PTPN14: variants seen among roughly 807,000 people sequenced by gnomAD.
PTPN14 encodes the protein tyrosine-protein phosphatase non-receptor type 14.
PTPN14 carries 53 observed loss-of-function variants against 126.8 expected under a neutral mutation model. The ratio of observed to expected loss-of-function variants is 0.42; its 90% confidence interval spans 0.34 to 0.53. PTPN14 has a LOEUF of 0.53. Ranked by LOEUF, PTPN14 falls within the 20% of genes least tolerant of loss-of-function variation. The probability of loss-of-function intolerance (pLI) is 0.08; values close to 1 mark genes in which losing one functional copy is unlikely to be tolerated. For missense variants in PTPN14, 1,257 were observed against 1,552.9 expected (o/e 0.81, Z 3.20); for synonymous variants, 630 against 599.3 (o/e 1.05, Z -0.75).
chr1:214,384,216 G>A lies in PTPN14; in HGVS notation c.1639C>T (p.Leu547=). 1 of 1,613,118 alleles carries A rather than the reference G, an allele frequency of 6.2e-7. No homozygotes were observed. The highest frequency in any genetic ancestry group is 2.2e-5 in the East Asian group (1 of 44,866). The change falls in exon 13 of 19, where the codon CTG becomes TTG. Residue 547 remains leucine, a synonymous_variant. Transcript: ENST00000366956. The surrounding 1 kb of genome is among the most constrained non-coding windows in gnomAD (Gnocchi z 5.3). ...GTGCTGTAGTTATGGCTGCCCTGCA[G>A]CTGCATGTTGGCCAGCTCTGGGGTG... ...VSTPELANMQ[L]QGSHNYSTAH... is the part of the protein sequence containing the mutation.
At position 214,402,780 on chromosome 1, in the gene PTPN14, T is replaced by C. The variant is rs888120906; in HGVS notation, c.581+103A>G. On this transcript the variant is annotated intron_variant, in intron 6 of 18. Transcript: ENST00000366956. ...ACGTGGTGGAATAAATACAAGTGTG[T>C]TGGCTCAAGCCCAGAGTTGCTGATA... 9 of 1,305,992 alleles carry C rather than the reference T, an allele frequency of 6.9e-6. 1 individual carries two copies. Among genetic ancestry groups the C allele is most frequent in the East Asian group, 4.6e-5 (2 of 43,092 alleles). 80.9% of individuals were successfully genotyped at this position (1,305,992 alleles called of 1,614,324 possible). A position where few individuals can be genotyped will look rare whatever the true frequency, so the allele number is the denominator to read the frequency against.
intron 3 of PTPN14, among the ~76,000 whole-genome samples, chr1:214,433,951 CAAAAAAAAAAAAAAAAAA>C (rs1158472144): frequency 3.1e-4 from 31 of 98,564 alleles, no homozygotes; most frequent in Admixed American, 6.5e-4. Context: ...CACACACACA[CAAAAAAAAAAAAAAAAAA>C]AAACTCAAAA....
chr1:214,404,183 A>G (rs1310340462), intron 5 of PTPN14, among the ~76,000 whole-genome samples: 1 of 152,242 alleles, frequency 6.6e-6, no homozygotes, highest in Non-Finnish European at 1.5e-5. Flanking sequence ...TAAAATCTGA[A>G]AAATCAATAT....
At chr1:214,546,848 T>A (rs560260594) in intron 1 of PTPN14, among the ~76,000 whole-genome samples, 1 of 152,238 alleles carries the variant, frequency 6.6e-6, no homozygotes, top group Admixed American at 6.5e-5. Context: ...AAATTTTACA[T>A]GTAAGGTTGA....
intron 1 of PTPN14, among the ~76,000 whole-genome samples, chr1:214,525,988 C>T (rs1259059999): frequency 1.4e-5 from 2 of 138,014 alleles, no homozygotes; most frequent in South Asian, 2.3e-4. Context: ...TTTTTTAAGA[C>T]GGAGGCTTGC....
At chr1:214,475,289 T>G (rs1660844410) in intron 1 of PTPN14, among the ~76,000 whole-genome samples, 2 of 152,342 alleles carry the variant, frequency 1.3e-5, no homozygotes, top group South Asian at 4.1e-4. Flanking sequence ...AACTTGGATT[T>G]CACTAGATAA....
chr1:214,520,065 A>AAAAAAAATAT, intron 1 of PTPN14, among the ~76,000 whole-genome samples: 22 of 71,108 alleles, frequency 3.1e-4, no homozygotes, highest in African/African-American at 1.2e-3. Context: ...AAAAAAAAAA[A>AAAAAAAATAT]ATATATATAT....
At position 214,350,373 on chromosome 1, in the gene PTPN14, T is replaced by A. The variant is rs1202710877; in HGVS notation, c.*7549A>T. 3 of 152,176 alleles carry A rather than the reference T, an allele frequency of 2.0e-5. No individual in the cohort carries two copies. The East Asian group carries it at 5.8e-4, about 29-fold the overall frequency. 9.4% of individuals were successfully genotyped at this position (152,176 alleles called of 1,614,324 possible). On this transcript the variant is annotated 3_prime_UTR_variant, in exon 19 of 19. Transcript: ENST00000366956. ...CTATATAAGTTCACCTCGAAATACA[T>A]ATTAAGTACTGCTGTCATCATTGTT...
In PTPN14 at chr1:214,376,960, C is replaced by T. The variant is rs184583423; in HGVS notation, c.2689-523G>A. ...ATTCTGGATACATACTGGCAGAAAT[C>T]GAACACCCTGGTGTTATTAGTACTT... On this transcript the variant is annotated intron_variant, in intron 14 of 18. Coordinates refer to ENST00000366956, the MANE Select transcript of PTPN14 (RefSeq NM_005401.5). Among the ~76,000 whole-genome samples, 46 of 152,320 alleles carry T rather than the reference C, an allele frequency of 3.0e-4. No individual in the cohort carries two copies. The East Asian group carries it at 6.2e-3, about 20-fold the overall frequency.
In PTPN14 at chr1:214,358,048, C is replaced by T; in HGVS notation, c.3438G>A (p.Lys1146=). The T allele has an allele frequency of 6.2e-7, 1 of 1,612,978 alleles. No homozygotes were observed. Among genetic ancestry groups the T allele is most frequent in the Non-Finnish European group, 8.5e-7 (1 of 1,179,744 alleles). Residue 1146 remains lysine (K), a splice_region_variant and synonymous_variant, in exon 19 of 19, where the codon AAG becomes AAA. Transcript: ENST00000366956. ...LMIYCLEHNE[K]VEVPMMLRLL... ...GCCTCAGCATCATGGGCACTTCCAC[C>T]TTCTGCAAGAAAAGAGAGAAAGCAC...
chr1:214,488,252 G>T, intron 1 of PTPN14, among the ~76,000 whole-genome samples: 1 of 152,158 alleles, frequency 6.6e-6, no homozygotes, highest in Non-Finnish European at 1.5e-5. Flanking sequence ...ATGTTTCACA[G>T]TAATTTGAGC....
In PTPN14 at chr1:214,372,721, G is replaced by A; in HGVS notation, c.3026C>T (p.Thr1009Ile). 1 of 1,614,136 alleles carries A rather than the reference G, an allele frequency of 6.2e-7. No individual in the cohort carries two copies. The highest frequency in any genetic ancestry group is 8.5e-7 in the Non-Finnish European group (1 of 1,180,012). The change falls in exon 16 of 19, where the codon ACT becomes ATT. Residue 1009 changes from threonine (T) to isoleucine (I), a missense_variant. This residue lies in a region of PTPN14 where 171 missense variants were observed against 229.8 expected (regional missense o/e 0.74). Transcript: ENST00000366956. ...EQGVNVIAMV[T>I]AEEEGGRTKS... ...GGCCATTCCCCTTACCTCCTCTGCA[G>A]TGACCATGGCAATCACATTCACTCC...
chr1:214,545,569 TG>T (rs1655949443), intron 1 of PTPN14, among the ~76,000 whole-genome samples: 1 of 152,140 alleles, frequency 6.6e-6, no homozygotes, highest in African/African-American at 2.4e-5. Context: ...GCAATGCTCT[TG>T]GAACAATCTC....
At chr1:214,398,738 G>A (rs893918437) in intron 7 of PTPN14, among the ~76,000 whole-genome samples, 3 of 148,600 alleles carry the variant, frequency 2.0e-5, no homozygotes, top group Admixed American at 1.4e-4. Context: ...CGGCAACAAT[G>A]TACTGTATTC....
At position 214,402,898 on chromosome 1, in the gene PTPN14, T is replaced by C. The variant is rs55801232; in HGVS notation, c.566A>G (p.Glu189Gly). 46,687 of 1,613,848 alleles carry C rather than the reference T, an allele frequency of 0.029. 851 individuals carry two copies. Among genetic ancestry groups the C allele is most frequent in the Non-Finnish European group, 0.033 (39,142 of 1,179,834 alleles). ...LEELTQKVAQ[E>G]HKAHSGILPA... is the part of the protein sequence containing the mutation. ...CCTGCCTTACCTGTGGGCTTTGTGT[T>C]CTTGGGCTACCTTCTGGGTCAGCTC... The change falls in exon 6 of 19, where the codon GAA becomes GGA. Residue 189 changes from glutamate to glycine, a missense_variant. This residue lies in a region of PTPN14 where 1,021 missense variants were observed against 1,183.3 expected (regional missense o/e 0.86). Coordinates refer to ENST00000366956, the MANE Select transcript of PTPN14 (RefSeq NM_005401.5).
intron 10 of PTPN14, 84 bp from the exon 11 acceptor site, chr1:214,391,129 A>C: frequency 2.0e-6 from 2 of 993,958 alleles, no homozygotes; most frequent in Non-Finnish European, 2.8e-6. Flanking sequence ...GAGGAAGAGA[A>C]TAAACAAGAC....
chr1:214,549,559 A>T (rs562410108), intron 1 of PTPN14, among the ~76,000 whole-genome samples: 1 of 152,322 alleles, frequency 6.6e-6, no homozygotes, highest in Admixed American at 6.5e-5. Context: ...TCTATGGCAC[A>T]AGCTTCAACC....
At chr1:214,546,317 C>T (rs1655967937) in intron 1 of PTPN14, among the ~76,000 whole-genome samples, 1 of 152,234 alleles carries the variant, frequency 6.6e-6, no homozygotes, top group Non-Finnish European at 1.5e-5. Context: ...TGACAATCTA[C>T]TGCCTTGGCT....
chr1:214,506,935 C>A (rs1266911562), intron 1 of PTPN14, among the ~76,000 whole-genome samples: 1 of 148,926 alleles, frequency 6.7e-6, no homozygotes. Flanking sequence ...ATGTTTTGTA[C>A]TGAGGAAAGG....
Sources: gnomAD v4.1 joint callset for allele counts (sites outside exome capture counted in the v4.1 genomes callset) on GRCh38, gnomAD v4.1.1 for gene constraint, gnomAD v4.1.1 regional missense constraint, Gnocchi (gnomAD v3.1) non-coding constraint, MANE v1.5 for transcripts, NCBI Gene and HGNC (gene_info 2026-07-23, HGNC 2026-07-21) for gene names.